The following NPIPB11 variants were observed in gnomAD, a reference collection of about 807,000 sequenced individuals.
NPIPB11 encodes nuclear pore complex interacting protein family member B11.
A neutral mutation model predicts 32.8 loss-of-function variants in NPIPB11; 17 were observed. The observed-to-expected ratio is 0.52, with a 90% CI of 0.35 to 0.78. The LOEUF is 0.78. Among genes scored for constraint, NPIPB11 ranks in the 30% least tolerant of loss-of-function variants. The pLI, the probability that NPIPB11 is intolerant of heterozygous loss-of-function variation, is 0.01. For synonymous variants in NPIPB11, 209 were observed against 398.4 expected (o/e 0.52, Z 5.66); for missense variants, 537 against 1,000.4 (o/e 0.54, Z 6.25).
At chr16:29,394,824 C>A (rs1291116936) in intron 2 of NPIPB11, among the ~76,000 whole-genome samples, 7 of 151,424 alleles carry the variant, frequency 4.6e-5, no homozygotes. Context: ...CGGCTCACTG[C>A]AACCTCTGCC....
At chr16:29,405,734 G>A (rs1377664779), upstream of NPIPB11, among the ~76,000 whole-genome samples, 1 of 152,056 alleles carries the variant, frequency 6.6e-6, no homozygotes, top group Non-Finnish European at 1.5e-5. Flanking sequence ...ACACAACAAT[G>A]TTCTTGTTTC....
Position 29,401,680 on chromosome 16 carries a change from G to C in NPIPB11, c.120+2003C>G, listed in dbSNP as rs1219156273. On this transcript the variant is annotated intron_variant, in intron 2 of 7. Transcript: ENST00000524087. ...TGGATGTACCCATGGGATTTGCTTTGACCCAAGAGATGTGAGTGGAAGTGA... is the reference window on the plus strand; with the variant it reads ...TGGATGTACCCATGGGATTTGCTTTCACCCAAGAGATGTGAGTGGAAGTGA... Among the ~76,000 whole-genome samples the C allele has an allele frequency of 2.0e-5, 3 of 152,138 alleles. No individual in the cohort carries two copies. The East Asian group carries it at 5.8e-4, about 29-fold the overall frequency.
At chr16:29,397,288 C>T (rs1164539957) in intron 2 of NPIPB11, among the ~76,000 whole-genome samples, 2 of 151,902 alleles carry the variant, frequency 1.3e-5, no homozygotes, top group Non-Finnish European at 2.9e-5. Flanking sequence ...CTCACTGCAA[C>T]GTCCAGCTCC....
upstream of NPIPB11, among the ~76,000 whole-genome samples, chr16:29,405,662 A>C (rs1446170287): frequency 6.6e-6 from 1 of 152,164 alleles, no homozygotes; most frequent in Non-Finnish European, 1.5e-5. Flanking sequence ...CTCATTCTAA[A>C]GGCCATGTTA....
At chr16:29,402,966 AT>A (rs944079338) in intron 2 of NPIPB11, among the ~76,000 whole-genome samples, 7 of 149,954 alleles carry the variant, frequency 4.7e-5, no homozygotes, top group Non-Finnish European at 8.9e-5. Flanking sequence ...TAATTCTTTT[AT>A]TCAAAATTAT....
rs994313617 is a variant in NPIPB11 at position 29,381,454 on chromosome 16, A to C, written c.3478T>G (p.Leu1160Val). 5 of 1,296,736 alleles carry C rather than the reference A, an allele frequency of 3.9e-6. No homozygotes were observed. The African/African-American group carries it at 6.5e-5, about 17-fold the overall frequency. The allele number at this position is 1,296,736 out of a possible 1,614,324, so 80.3% of individuals were successfully genotyped here. Reference sequence around the variant, plus strand: ...AGTGCACTGGCCTCTTCTCAGCTCAACCTCCGCCTCTTGGGTTCGGGTGAT... The same window carrying C: ...AGTGCACTGGCCTCTTCTCAGCTCACCCTCCGCCTCTTGGGTTCGGGTGAT... Residue 1160 changes from leucine (L) to valine (V), a missense_variant, in exon 8 of 8, where the codon TTG becomes GTG. Transcript: ENST00000524087.
At chr16:29,399,362 C>T (rs373848025) in intron 2 of NPIPB11, among the ~76,000 whole-genome samples, 60 of 148,042 alleles carry the variant, frequency 4.1e-4, no homozygotes, top group African/African-American at 6.3e-4. Flanking sequence ...AAAGCCAATG[C>T]CTTTACCATA....
chr16:29,406,133 A>T (rs1023566645), upstream of NPIPB11, among the ~76,000 whole-genome samples: 2 of 152,216 alleles, frequency 1.3e-5, no homozygotes, highest in African/African-American at 4.8e-5. Context: ...TAACTTTGGG[A>T]TTTTTTCAGC....
chr16:29,402,501 A>G (rs1279178312), intron 2 of NPIPB11, among the ~76,000 whole-genome samples: 2 of 94,088 alleles, frequency 2.1e-5, no homozygotes, highest in African/African-American at 6.0e-5. Context: ...TCAGGAGTTG[A>G]CACGAGCCTG....
chr16:29,403,131 G>T (rs1271243616), intron 2 of NPIPB11, among the ~76,000 whole-genome samples: 1 of 145,398 alleles, frequency 6.9e-6, no homozygotes, highest in Admixed American at 6.9e-5. Flanking sequence ...AGTCTGGAGT[G>T]CAATGGCGTG....
Position 29,397,570 on chromosome 16 carries a change from G to A in NPIPB11, c.121-3494C>T, listed in dbSNP as rs544228112. ...CCGAGGGTCCAGCGTCTACTCACAC[G>A]GATGCACTGATGGCTGATAAATTCC... On this transcript the variant is annotated intron_variant, in intron 2 of 7. Transcript: ENST00000524087. 1.9e-4 allele frequency: 288 copies of A among 1,510,846 alleles called. No homozygotes were observed. The Admixed American group carries it at 2.0e-3, about 11-fold the overall frequency. 93.6% of individuals were successfully genotyped at this position (1,510,846 alleles called of 1,614,324 possible). A position where few individuals can be genotyped will look rare whatever the true frequency, so the allele number is the denominator to read the frequency against.
chr16:29,397,301 G>A (rs1045568789), intron 2 of NPIPB11, among the ~76,000 whole-genome samples: 1 of 151,764 alleles, frequency 6.6e-6, no homozygotes, highest in African/African-American at 2.4e-5. Context: ...CCAGCTCCTG[G>A]GCCCAAGCGA....
chr16:29,390,396 C>T lies in NPIPB11; in HGVS notation c.250-48G>A, dbSNP rs774362944. On this transcript the variant is annotated intron_variant, in intron 3 of 7. Coordinates refer to ENST00000524087, the Ensembl canonical transcript of NPIPB11. ...TGACGGCTGGGCACGGTGGCTCATG[C>T]GTATAATCCCAGTACTTCGGGAAGC... is the stretch of plus-strand genomic sequence containing the variant. 1.5e-4 allele frequency: 235 copies of T among 1,589,206 alleles called. 1 individual carries two copies. Among genetic ancestry groups the T allele is most frequent in the Non-Finnish European group, 1.9e-4 (220 of 1,173,976 alleles).
chr16:29,382,981 G>A, exon 8 of NPIPB11: 2 of 1,596,194 alleles, frequency 1.3e-6, no homozygotes, highest in Non-Finnish European at 8.5e-7. Flanking sequence ...GGGTGGAAGG[G>A]GAGTGAGCTG....
chr16:29,401,639 C>T (rs910135671), intron 2 of NPIPB11, among the ~76,000 whole-genome samples: 1 of 152,140 alleles, frequency 6.6e-6, no homozygotes, highest in African/African-American at 2.4e-5. Flanking sequence ...AGGTTCTCTC[C>T]TGGGCCACTT....
chr16:29,399,209 A>G (rs1270011706), intron 2 of NPIPB11, among the ~76,000 whole-genome samples: 1 of 152,194 alleles, frequency 6.6e-6, no homozygotes, highest in Admixed American at 6.5e-5. Flanking sequence ...AACTTCCCAC[A>G]GGGCTTCTGC....
intron 2 of NPIPB11, chr16:29,397,590 A>G: frequency 6.6e-7 from 1 of 1,516,070 alleles, no homozygotes; most frequent in Non-Finnish European, 8.9e-7. Flanking sequence ...ATGGCTGATA[A>G]ATTCCAGCAG....
chr16:29,401,708 T>G (rs4017126), intron 2 of NPIPB11, among the ~76,000 whole-genome samples: 1 of 152,108 alleles, frequency 6.6e-6, no homozygotes. Context: ...GGAAGTGAAG[T>G]GTGTCACCTC....
intron 2 of NPIPB11, among the ~76,000 whole-genome samples, chr16:29,401,509 C>T (rs536634600): frequency 1.6e-4 from 24 of 152,202 alleles, no homozygotes; most frequent in East Asian, 9.7e-4. Flanking sequence ...AGCAAATCTG[C>T]GGTGACTTAG....
Sources: gnomAD v4.1 joint callset for allele counts (sites outside exome capture counted in the v4.1 genomes callset) on GRCh38, gnomAD v4.1.1 for gene constraint, MANE v1.5 for transcripts, NCBI Gene and HGNC (gene_info 2026-07-23, HGNC 2026-07-21) for gene names.